TMEM63A: variants seen among roughly 807,000 people sequenced by gnomAD.
TMEM63A encodes transmembrane protein 63A.
In TMEM63A, 76 loss-of-function variants were observed where a neutral mutation model predicts 100.6. The observed-to-expected ratio is 0.76, with a 90% confidence interval of 0.63 to 0.91. The LOEUF (loss-of-function observed/expected upper bound fraction) is 0.91, where lower values mean the gene tolerates loss of function less well. Among genes scored for constraint, TMEM63A ranks in the 40% least tolerant of loss-of-function variants. The pLI is 0.00. For synonymous variants in TMEM63A, 401 were observed against 401.1 expected (o/e 1.00, Z 0.00); for missense variants, 876 against 1,008.8 (o/e 0.87, Z 1.78).
At chr1:225,877,694 G>T in intron 2 of TMEM63A, 100 bp from the exon 3 acceptor site, 1 of 1,232,968 alleles carries the variant, frequency 8.1e-7, no homozygotes, top group Non-Finnish European at 1.1e-6. Context: ...GTTTCCCAGG[G>T]ACTGATCGGG....
At position 225,848,976 on chromosome 1, in the gene TMEM63A, A is replaced by C; in HGVS notation, c.2108T>G (p.Val703Gly). ...GCAGACCAGGATGGTGAGCAGCAGC[A>C]CCAGGAAGGTGAACAGAGTGGCGGG... is the stretch of plus-strand genomic sequence containing the variant. ...KAPATLFTFL[V>G]LLLTILVCLA... The change falls in exon 22 of 25, where the codon GTG becomes GGG. Residue 703 changes from valine (V) to glycine (G), a missense_variant. Physicochemically the swap from Val to Gly is moderately radical, Grantham distance 109. Around this residue, in one of 5 missense-constraint regions of TMEM63A, gnomAD observed 339 missense variants for 342.3 expected, o/e 0.99. Transcript: ENST00000366835. 1.3e-6 allele frequency: 2 copies of C among 1,512,792 alleles called. No individual in the cohort carries two copies. Among genetic ancestry groups the C allele is most frequent in the Middle Eastern group, 3.6e-4 (2 of 5,588 alleles). The allele number at this position is 1,512,792 out of a possible 1,614,324, so 93.7% of individuals were successfully genotyped here.
intron 20 of TMEM63A, among the ~76,000 whole-genome samples, chr1:225,851,990 G>C (rs1370360478): frequency 6.6e-6 from 1 of 152,280 alleles, no homozygotes; most frequent in Non-Finnish European, 1.5e-5. Context: ...CTTGTAGGAT[G>C]AGGTGAGAAA....
chr1:225,877,528 C>T lies in TMEM63A; in HGVS notation c.53G>A (p.Arg18Lys). Residue 18 changes from arginine (R) to lysine (K), a missense_variant, in exon 3 of 25, where the codon AGG becomes AAG. Physicochemically the swap from Arg to Lys is conservative, Grantham distance 26. Around this residue, in one of 5 missense-constraint regions of TMEM63A, gnomAD observed 43 missense variants for 48.9 expected, o/e 0.88. Coordinates refer to ENST00000366835, the MANE Select transcript of TMEM63A (RefSeq NM_014698.3). ...CCGGTCCCCGAGTCCCAGCTGCTCC[C>T]TGATGGACACTGCCTTGGACTGCCA... ...ELWQSKAVSIREQLGLGDRPN... is the reference protein window; with the variant it reads ...ELWQSKAVSIKEQLGLGDRPN... 1 of 1,614,178 alleles carries T rather than the reference C, an allele frequency of 6.2e-7. No homozygotes were observed. Among genetic ancestry groups the T allele is most frequent in the South Asian group, 1.1e-5 (1 of 91,076 alleles).
rs749194712 is a variant in TMEM63A at position 225,862,247 on chromosome 1, G to A, written c.1056C>T (p.Val352=). 6 of 1,614,010 alleles carry A rather than the reference G, an allele frequency of 3.7e-6. No homozygotes were observed. The Admixed American group carries it at 8.3e-5, about 22-fold the overall frequency. Residue 352 remains valine (V), a synonymous_variant, in exon 13 of 25, where the codon GTC becomes GTT. Transcript: ENST00000366835. This position sits in a 1 kb window ranked among gnomAD's most constrained non-coding sequence, Gnocchi z 5.1. ...TGGCCATGGACTTCTCCTGGAAGGT[G>A]ACGAAGGCCATTCCCAGGGGCTGGT... ...VQDQPLGMAF[V]TFQEKSMATY...
At position 225,849,261 on chromosome 1, in the gene TMEM63A, GCA is replaced by G. The variant is rs148782526; in HGVS notation, c.2072-251_2072-250del. 1.3e-3 allele frequency among the ~76,000 whole-genome samples: 194 copies of G among 151,096 alleles called. 2 individuals carry two copies. In the East Asian group the frequency reaches 0.034, roughly 26 times the overall value. ...GGCATCATCCCTGGTCAGATTTCAG[GCA>G]CTGGGGTGCCAAGTCAATGGCAATT... On this transcript the variant is annotated intron_variant, in intron 21 of 24. Transcript: ENST00000366835.
downstream of TMEM63A, chr1:225,845,069 G>A (rs374316184): frequency 1.1e-3 from 1,685 of 1,502,780 alleles, 14 homozygotes; most frequent in South Asian, 6.4e-3. Flanking sequence ...ACCCCCAGGC[G>A]CTTTAACCCC....
At position 225,862,642 on chromosome 1, in the gene TMEM63A, C is replaced by A; in HGVS notation, c.828-64G>T. 1.9e-6 allele frequency: 3 copies of A among 1,602,388 alleles called. No individual in the cohort carries two copies. The highest frequency in any genetic ancestry group is 1.1e-5 in the South Asian group (1 of 90,066). On this transcript the variant is annotated intron_variant, in intron 11 of 24. Transcript: ENST00000366835. This position sits in a 1 kb window ranked among gnomAD's most constrained non-coding sequence, Gnocchi z 5.1. The stretch of plus-strand genomic sequence containing the variant: ...GAATCCTGTGGCAGGGACCCCCATA[C>A]CCACAGTTCAACCATCGAACGCCAG...
rs111378032 is a variant in TMEM63A, at chr1:225,866,990, G to T, written c.566+122C>A. ...CCCACAGCTCAACAACTCACTAGCT[G>T]CAAGGGGCCTTCAGATACCAGCCGG... On this transcript the variant is annotated intron_variant, in intron 8 of 24. Transcript: ENST00000366835. 113 of 988,636 alleles carry T rather than the reference G, an allele frequency of 1.1e-4. No individual in the cohort carries two copies. In the African/African-American group the frequency reaches 1.6e-3, roughly 14 times the overall value. The allele number at this position is 988,636 out of a possible 1,614,324, so 61.2% of individuals were successfully genotyped here. A position where few individuals can be genotyped will look rare whatever the true frequency, so the allele number is the denominator to read the frequency against.
At position 225,856,717 on chromosome 1, in the gene TMEM63A, C is replaced by G. The variant is rs769342057; in HGVS notation, c.1506G>C (p.Met502Ile). Residue 502 changes from methionine to isoleucine, a missense_variant, in exon 17 of 25, where the codon ATG becomes ATC. This residue lies in a region of TMEM63A where 487 missense variants were observed against 581.9 expected (regional missense o/e 0.84). Transcript: ENST00000366835. ...TCAAGAATATGTAGACTTTGGTCAT[C>G]ATGATCTGGTTTTCCCCCGACCTGC... is the stretch of plus-strand genomic sequence containing the variant. Reference protein sequence around the residue: ...HWTKSGENQIMMTKVYIFLIF... With the variant: ...HWTKSGENQIIMTKVYIFLIF... 2 of 1,613,898 alleles carry G rather than the reference C, an allele frequency of 1.2e-6. No homozygotes were observed. The highest frequency in any genetic ancestry group is 1.7e-5 in the Admixed American group (1 of 59,974).
At chr1:225,844,599 G>C (rs771407081), downstream of TMEM63A, 17 of 1,614,010 alleles carry the variant, frequency 1.1e-5, no homozygotes, top group South Asian at 1.9e-4. Context: ...CTGGGACAGG[G>C]CTGGATGACC....
In TMEM63A at chr1:225,862,776, C is replaced by T; in HGVS notation, c.822G>A (p.Lys274=). Residue 274 remains lysine, a synonymous_variant, in exon 11 of 25, where the codon AAG becomes AAA. Coordinates refer to ENST00000366835, the MANE Select transcript of TMEM63A (RefSeq NM_014698.3). The surrounding 1 kb of genome is among the most constrained non-coding windows in gnomAD (Gnocchi z 5.1). ...YNVAKLIYLC[K]EKKKTEKSLT... ...AAGGCCCGCCCACCACTCACTTCTC[C>T]TTGCACAGGTAGATCAGTTTGGCCA... 1 of 1,613,970 alleles carries T rather than the reference C, an allele frequency of 6.2e-7. No homozygotes were observed. The highest frequency in any genetic ancestry group is 8.5e-7 in the Non-Finnish European group (1 of 1,180,010).
chr1:225,872,140 T>C (rs1373209811), intron 4 of TMEM63A, 87 bp from the exon 5 acceptor site: 7 of 972,574 alleles, frequency 7.2e-6, no homozygotes, highest in African/African-American at 3.3e-5. Context: ...ATCCAGTATT[T>C]TGCTGCCTCT....
In TMEM63A at chr1:225,853,233, A is replaced by G. The variant is rs531316426; in HGVS notation, c.1797+396T>C. ...CCATGGCAGAGGAGAATAAAAGAGA[A>G]AGCCACACCCTCCAGTTCAGGGAAT... On this transcript the variant is annotated intron_variant, in intron 19 of 24. Coordinates refer to ENST00000366835, the MANE Select transcript of TMEM63A (RefSeq NM_014698.3). This position sits in a 1 kb window ranked among gnomAD's most constrained non-coding sequence, Gnocchi z 4.0. 2.0e-5 allele frequency among the ~76,000 whole-genome samples: 3 copies of G among 152,286 alleles called. No homozygotes were observed. The highest frequency in any genetic ancestry group is 2.0e-4 in the Admixed American group (3 of 15,290).
At chr1:225,856,043 G>T in intron 17 of TMEM63A, 103 bp from the exon 18 acceptor site, 1 of 1,243,424 alleles carries the variant, frequency 8.0e-7, no homozygotes, top group Non-Finnish European at 1.1e-6. Flanking sequence ...CAAAGCTCGA[G>T]ATTGACTTTT....
rs1421930892 is a variant in TMEM63A, at chr1:225,853,005, C to G, written c.1798-236G>C. Among the ~76,000 whole-genome samples the G allele has an allele frequency of 6.6e-6, 1 of 152,212 alleles. No individual in the cohort carries two copies. The highest frequency in any genetic ancestry group is 1.5e-5 in the Non-Finnish European group (1 of 68,038). On this transcript the variant is annotated intron_variant, in intron 19 of 24. Transcript: ENST00000366835. The surrounding 1 kb of genome is among the most constrained non-coding windows in gnomAD (Gnocchi z 4.0). The stretch of plus-strand genomic sequence containing the variant: ...TTTGCTAGTGCTCCCTTCGTTCCAC[C>G]CAACAGGCATGTGAGCCCCTGGAGG...
At chr1:225,849,109 G>A (rs1669186263) in intron 21 of TMEM63A, 97 bp from the exon 22 acceptor site, 2 of 904,894 alleles carry the variant, frequency 2.2e-6, no homozygotes, top group Non-Finnish European at 3.4e-6. Flanking sequence ...TGTGGAAACT[G>A]CCCGTGACTT....
In TMEM63A at chr1:225,866,633, G is replaced by A. The variant is rs45492299; in HGVS notation, c.616C>T (p.Leu206Phe). The A allele has an allele frequency of 0.17, 278,008 of 1,613,694 alleles. 26,213 individuals are homozygous for A. The highest frequency in any genetic ancestry group is 0.27 in the East Asian group (12,178 of 44,838). Reference protein sequence around the residue: ...HTIFAVIYLFLTVGFMRHHTQ... With the variant: ...HTIFAVIYLFFTVGFMRHHTQ... ...TGGTGCCGCATGAAACCCACAGTGA[G>A]GAAGAGGTAAATGACAGCAAAGATG... is the stretch of plus-strand genomic sequence containing the variant. Residue 206 changes from leucine to phenylalanine, a missense_variant, in exon 9 of 25, where the codon CTC (leucine) becomes TTC (phenylalanine). Transcript: ENST00000366835.
At chr1:225,848,605 AAC>A (rs750214130) in intron 22 of TMEM63A, 51 bp from the exon 23 acceptor site, 2 of 1,588,732 alleles carry the variant, frequency 1.3e-6, no homozygotes, top group South Asian at 2.2e-5. Context: ...GATCTCTGTG[AAC>A]AAACACCCTC....
chr1:225,844,462 G>A (rs568480799), downstream of TMEM63A: 3 of 1,480,382 alleles, frequency 2.0e-6, no homozygotes, highest in Non-Finnish European at 2.8e-6. Context: ...ACTGCATGTG[G>A]CACTGAGAGT....
Sources: gnomAD v4.1 joint callset for allele counts (sites outside exome capture counted in the v4.1 genomes callset) on GRCh38, gnomAD v4.1.1 for gene constraint, gnomAD v4.1.1 regional missense constraint, Gnocchi (gnomAD v3.1) non-coding constraint, MANE v1.5 for transcripts, NCBI Gene and HGNC (gene_info 2026-07-23, HGNC 2026-07-21) for gene names.